DDRGK1: variants seen among roughly 807,000 people sequenced by gnomAD.
DDRGK1 encodes DDRGK domain-containing protein 1.
Under a neutral mutation model 45.8 loss-of-function variants are expected in DDRGK1, and 38 were observed. The ratio of observed to expected loss-of-function variants is 0.83; its 90% CI spans 0.64 to 1.09. The LOEUF (loss-of-function observed/expected upper bound fraction) is 1.09. Ranked by LOEUF, DDRGK1 falls within the 50% of genes least tolerant of loss-of-function variation. DDRGK1 has a pLI of 0.00. For synonymous variants in DDRGK1, 171 were observed against 168.7 expected (o/e 1.01, Z -0.11); for missense variants, 403 against 419.9 (o/e 0.96, Z 0.35).
chr20:3,203,449 A>C, intron 1 of DDRGK1, 33 bp from the exon 2 acceptor site: 2 of 1,504,938 alleles, frequency 1.3e-6, no homozygotes, highest in Non-Finnish European at 1.8e-6. Context: ...AATGCTGCCT[A>C]TAAGCCCAGC....
chr20:3,204,465 G>A (rs1386087277), intron 1 of DDRGK1, 72 bp downstream of exon 1: 5 of 1,452,694 alleles, frequency 3.4e-6, no homozygotes, highest in Non-Finnish European at 4.6e-6. Context: ...GAGCCGCGGC[G>A]CGACGGTCCA....
chr20:3,196,400 G>A (rs952295839), intron 4 of DDRGK1, among the ~76,000 whole-genome samples: 8 of 152,290 alleles, frequency 5.3e-5, no homozygotes, highest in African/African-American at 1.7e-4. Flanking sequence ...AAAGCTAGCC[G>A]GGCGTGGTGG....
At chr20:3,198,700 CAAAA>C (rs151197280) in intron 4 of DDRGK1, among the ~76,000 whole-genome samples, 1 of 41,576 alleles carries the variant, frequency 2.4e-5, no homozygotes, top group Admixed American at 3.0e-4. Context: ...AACTCCGTTT[CAAAA>C]AAAAAAAAAA....
intron 6 of DDRGK1, among the ~76,000 whole-genome samples, chr20:3,192,477 G>A (rs892666115): frequency 3.9e-5 from 6 of 152,124 alleles, no homozygotes; most frequent in Non-Finnish European, 8.8e-5. Context: ...CCTTGCCTTC[G>A]CTGGCCGCCC....
chr20:3,191,367 G>T, intron 7 of DDRGK1, 129 bp from the exon 8 acceptor site: 1 of 1,110,486 alleles, frequency 9.0e-7, no homozygotes, highest in Non-Finnish European at 1.3e-6. Flanking sequence ...GTGACTCTGT[G>T]CTTTGCCTTT....
At chr20:3,204,001 C>T (rs1301000702) in intron 1 of DDRGK1, among the ~76,000 whole-genome samples, 1 of 152,188 alleles carries the variant, frequency 6.6e-6, no homozygotes, top group East Asian at 1.9e-4. Context: ...TGGCCAATGA[C>T]ATGGCCTTCT....
intron 4 of DDRGK1, among the ~76,000 whole-genome samples, chr20:3,196,519 T>C (rs1178949047): frequency 1.5e-5 from 1 of 65,168 alleles, no homozygotes. Context: ...CCACTAAAAA[T>C]ACAAAAAAAA....
chr20:3,192,662 A>C (rs1198573368), intron 6 of DDRGK1, among the ~76,000 whole-genome samples: 1 of 152,190 alleles, frequency 6.6e-6, no homozygotes, highest in African/African-American at 2.4e-5. Flanking sequence ...TAGAAACCTG[A>C]GTTCCCAAGG....
intron 7 of DDRGK1, 57 bp from the exon 8 acceptor site, chr20:3,191,295 A>G: frequency 6.4e-7 from 1 of 1,574,480 alleles, no homozygotes. Flanking sequence ...CAGAAAAAGC[A>G]CTGAAACCTC....
intron 1 of DDRGK1, 62 bp downstream of exon 1, chr20:3,204,475 A>G: frequency 4.0e-6 from 6 of 1,505,434 alleles, no homozygotes; most frequent in Non-Finnish European, 5.3e-6. Flanking sequence ...GCGACGGTCC[A>G]CAAAGGCTCA....
In DDRGK1 at chr20:3,195,365, G is replaced by A. The variant is rs1414150817; in HGVS notation, c.511-12C>T. ...CTCTCCTCCTCCTCCTGTGGACATAGGAGGCAAAAGTCAGGTATCGGGGGC... is the reference window on the plus strand; with the variant it reads ...CTCTCCTCCTCCTCCTGTGGACATAAGAGGCAAAAGTCAGGTATCGGGGGC... On this transcript the variant is annotated splice_polypyrimidine_tract_variant and intron_variant, in intron 4 of 8. Transcript: ENST00000354488. 3 of 1,578,108 alleles carry A rather than the reference G, an allele frequency of 1.9e-6. No individual in the cohort carries two copies. The highest frequency in any genetic ancestry group is 1.2e-5 in the South Asian group (1 of 84,482).
At chr20:3,190,892 C>A in intron 8 of DDRGK1, 73 bp from the exon 9 acceptor site, 1 of 1,521,972 alleles carries the variant, frequency 6.6e-7, no homozygotes, top group South Asian at 1.3e-5. Context: ...TGCCCACCTA[C>A]TCCTTCACAG....
chr20:3,200,978 C>T (rs1386286431), intron 2 of DDRGK1, among the ~76,000 whole-genome samples: 4 of 152,064 alleles, frequency 2.6e-5, no homozygotes, highest in South Asian at 2.1e-4. Flanking sequence ...GGTGTGGTGG[C>T]GGGCACCTGT....
chr20:3,193,986 A>G (rs11906512), intron 6 of DDRGK1, among the ~76,000 whole-genome samples: 3,888 of 152,222 alleles, frequency 0.026, 168 homozygotes, highest in African/African-American at 0.087. Context: ...GGGCTCCATG[A>G]GAGGGGAGTG....
intron 6 of DDRGK1, among the ~76,000 whole-genome samples, chr20:3,192,128 G>A (rs59630003): frequency 0.11 from 17,098 of 151,970 alleles, 1,136 homozygotes; most frequent in African/African-American, 0.16. Context: ...AGACACACGA[G>A]TGGTAATCAG....
At chr20:3,199,903 G>A (rs1444162359) in intron 4 of DDRGK1, 98 bp downstream of exon 4, 7 of 1,141,900 alleles carry the variant, frequency 6.1e-6, no homozygotes, top group Non-Finnish European at 8.5e-6. Flanking sequence ...CCAGGTCTAT[G>A]GCCCACCTTC....
chr20:3,196,484 TG>T (rs1568500040), intron 4 of DDRGK1, among the ~76,000 whole-genome samples: 1 of 150,440 alleles, frequency 6.6e-6, no homozygotes, highest in East Asian at 2.0e-4. Flanking sequence ...GAGACCATCC[TG>T]GCTAACACGG....
chr20:3,201,478 C>CAA (rs1191917763), intron 2 of DDRGK1, among the ~76,000 whole-genome samples: 2 of 69,316 alleles, frequency 2.9e-5, no homozygotes, highest in East Asian at 3.9e-4. Flanking sequence ...GACTCTGTCT[C>CAA]AAAAAAAAAA....
At chr20:3,193,932 C>T (rs2066999336) in intron 6 of DDRGK1, among the ~76,000 whole-genome samples, 1 of 152,158 alleles carries the variant, frequency 6.6e-6, no homozygotes. Context: ...GAGAAATAAC[C>T]TGCCCGGCCA....
Sources: gnomAD v4.1 joint callset for allele counts (sites outside exome capture counted in the v4.1 genomes callset) on GRCh38, gnomAD v4.1.1 for gene constraint, MANE v1.5 for transcripts, NCBI Gene and HGNC (gene_info 2026-07-23, HGNC 2026-07-21) for gene names.